CCDC7: variants seen among roughly 807,000 people sequenced by gnomAD.
The protein encoded by CCDC7 is coiled-coil domain-containing protein 7.
A neutral mutation model predicts 196.9 loss-of-function variants in CCDC7; 183 were observed. That is an observed-to-expected ratio of 0.93 (90% CI 0.82 to 1.05). CCDC7 has a LOEUF of 1.05. Ranked by LOEUF, CCDC7 falls within the 50% of genes least tolerant of loss-of-function variation. The pLI is 0.00. For synonymous variants in CCDC7, 525 were observed against 484.6 expected (o/e 1.08, Z -1.10); for missense variants, 1,540 against 1,482.2 (o/e 1.04, Z -0.64).
chr10:32,461,189 T>C (rs1278207358), intron 3 of CCDC7, among the ~76,000 whole-genome samples: 7 of 152,184 alleles, frequency 4.6e-5, no homozygotes, highest in African/African-American at 1.7e-4. Flanking sequence ...GGGAGTTACA[T>C]ACTGATAAAC....
chr10:32,702,829 G>A (rs1425881351), intron 24 of CCDC7, among the ~76,000 whole-genome samples: 1 of 152,092 alleles, frequency 6.6e-6, no homozygotes, highest in African/African-American at 2.4e-5. Context: ...CCAAGACTAG[G>A]ATTGCAACCT....
intron 31 of CCDC7, among the ~76,000 whole-genome samples, chr10:32,821,960 C>CA (rs1565613688): frequency 7.0e-6 from 1 of 143,538 alleles, no homozygotes; most frequent in Admixed American, 7.0e-5. Context: ...TAAAGTATAA[C>CA]AAAAAAAGAA....
chr10:32,454,153 C>T (rs1178293958), intron 2 of CCDC7, among the ~76,000 whole-genome samples: 2 of 152,194 alleles, frequency 1.3e-5, no homozygotes, highest in Admixed American at 6.5e-5. Context: ...AAAGGGAAAA[C>T]TGTAGTAAAG....
chr10:32,764,507 T>C (rs150964381), intron 28 of CCDC7, among the ~76,000 whole-genome samples: 1 of 151,924 alleles, frequency 6.6e-6, no homozygotes, highest in Admixed American at 6.6e-5. Context: ...TAGAAAGGAC[T>C]GTAACGGTCA....
At chr10:32,662,967 C>T (rs2071821465) in intron 20 of CCDC7, among the ~76,000 whole-genome samples, 1 of 152,036 alleles carries the variant, frequency 6.6e-6, no homozygotes, top group South Asian at 2.1e-4. Flanking sequence ...TTTTCAGTGG[C>T]AGGGAACTCA....
chr10:32,557,164 A>AT (rs2054496252), intron 13 of CCDC7, among the ~76,000 whole-genome samples: 1 of 151,778 alleles, frequency 6.6e-6, no homozygotes, highest in Non-Finnish European at 1.5e-5. Context: ...CTGTAAAGAT[A>AT]TTTTTTCTAT....
At chr10:32,661,181 C>G in intron 20 of CCDC7, among the ~76,000 whole-genome samples, 1 of 151,332 alleles carries the variant, frequency 6.6e-6, no homozygotes. Context: ...AGACACTTCT[C>G]AAAAGAAGAC....
intron 16 of CCDC7, chr10:32,574,432 C>A (rs368564455): frequency 1.3e-6 from 2 of 1,589,802 alleles, no homozygotes; most frequent in Non-Finnish European, 1.7e-6. Context: ...TTCTTAGATG[C>A]TAATAGAGTT....
intron 24 of CCDC7, 50 bp from the exon 26 acceptor site, chr10:32,711,570 A>G (rs764468114): frequency 2.7e-6 from 3 of 1,110,532 alleles, no homozygotes; most frequent in Non-Finnish European, 3.9e-6. Context: ...CTAGGATTTC[A>G]TAGTAGATTT....
At chr10:32,703,397 T>A (rs1206964762) in intron 24 of CCDC7, among the ~76,000 whole-genome samples, 1 of 152,104 alleles carries the variant, frequency 6.6e-6, no homozygotes, top group African/African-American at 2.4e-5. Flanking sequence ...ATTAGTCTGA[T>A]GGGCTTCCCT....
chr10:32,545,822 C>T (rs1266952519), intron 13 of CCDC7, among the ~76,000 whole-genome samples: 1 of 146,318 alleles, frequency 6.8e-6, no homozygotes, highest in Admixed American at 7.2e-5. Context: ...AGAAGACTGG[C>T]GTGAACCCAG....
At chr10:32,711,842 T>C (rs2080891159) in intron 25 of CCDC7, 112 bp downstream of exon 26, 1 of 541,752 alleles carries the variant, frequency 1.8e-6, no homozygotes, top group Non-Finnish European at 3.1e-6. Context: ...TGATAATTTA[T>C]ACTCTGTAAA....
intron 9 of CCDC7, among the ~76,000 whole-genome samples, chr10:32,492,409 A>G (rs73251554): frequency 0.052 from 7,963 of 152,214 alleles, 689 homozygotes; most frequent in African/African-American, 0.18. Context: ...TTGCAGCATT[A>G]TTCACAATAG....
exon 1 of CCDC7, chr10:32,451,823 T>C (rs2033142004): frequency 6.2e-7 from 1 of 1,614,222 alleles, no homozygotes; most frequent in African/African-American, 1.3e-5. Context: ...AACAGGAGAA[T>C]CCATTTTACG....
At chr10:32,671,154 C>G (rs1053260400) in intron 21 of CCDC7, among the ~76,000 whole-genome samples, 1 of 152,086 alleles carries the variant, frequency 6.6e-6, no homozygotes, top group Admixed American at 6.6e-5. Context: ...ACAGTAATGT[C>G]CTAGGCCTTG....
intron 18 of CCDC7, among the ~76,000 whole-genome samples, chr10:32,608,228 A>C (rs1019614009): frequency 4.7e-4 from 71 of 152,020 alleles, no homozygotes; most frequent in African/African-American, 1.6e-3. Flanking sequence ...ACAGTTCATC[A>C]ATTTTGATTA....
chr10:32,841,514 G>A (rs1477884516), intron 33 of CCDC7, among the ~76,000 whole-genome samples: 2 of 151,184 alleles, frequency 1.3e-5, no homozygotes, highest in African/African-American at 4.8e-5. Context: ...AATCCTAGAC[G>A]ACACAAACAA....
At chr10:32,624,251 T>C (rs1321860321) in intron 18 of CCDC7, among the ~76,000 whole-genome samples, 1 of 152,102 alleles carries the variant, frequency 6.6e-6, no homozygotes, top group Non-Finnish European at 1.5e-5. Context: ...CAATAGTTGC[T>C]TGATTCCCCC....
chr10:32,500,250 C>T (rs980676613), intron 9 of CCDC7, among the ~76,000 whole-genome samples: 18 of 150,220 alleles, frequency 1.2e-4, no homozygotes, highest in Admixed American at 6.0e-4. Flanking sequence ...ACCTCCTGGA[C>T]GGGGCGGCTG....
Sources: allele counts gnomAD v4.1 joint callset (sites outside exome capture counted in the v4.1 genomes callset), GRCh38; gene constraint gnomAD v4.1.1; transcripts MANE v1.5; gene names NCBI Gene and HGNC (gene_info 2026-07-23, HGNC 2026-07-21).